SLC1A2: variants seen among roughly 807,000 people sequenced by gnomAD.
The protein encoded by SLC1A2 is excitatory amino acid transporter 2.
Under a neutral mutation model 48.8 loss-of-function variants are expected in SLC1A2, and 15 were observed. The ratio of observed to expected loss-of-function variants is 0.31; its 90% CI spans 0.21 to 0.47. The LOEUF (loss-of-function observed/expected upper bound fraction) is 0.47, where lower values mean the gene tolerates loss of function less well. Among genes scored for constraint, SLC1A2 ranks in the 20% least tolerant of loss-of-function variants. The probability of loss-of-function intolerance (pLI) is 0.99; values close to 1 mark genes in which losing one functional copy is unlikely to be tolerated. For synonymous variants in SLC1A2, 279 were observed against 272.6 expected, an observed-to-expected ratio of 1.02 and a Z score of -0.23; for missense variants, 502 against 730.5, an observed-to-expected ratio of 0.69 and a Z score of 3.61.
At chr11:35,297,409 C>A (rs111981053) in intron 6 of SLC1A2, among the ~76,000 whole-genome samples, 7 of 152,140 alleles carry the variant, frequency 4.6e-5, no homozygotes, top group East Asian at 1.9e-4. Context: ...CTCTCTCCCC[C>A]ACTCCAAAAT....
At chr11:35,411,111 T>C (rs1478400264) in intron 1 of SLC1A2, among the ~76,000 whole-genome samples, 1 of 152,254 alleles carries the variant, frequency 6.6e-6, no homozygotes, top group African/African-American at 2.4e-5. Flanking sequence ...GATGATTTTA[T>C]AAATATCTGC....
intron 9 of SLC1A2, among the ~76,000 whole-genome samples, chr11:35,266,339 A>G (rs971499513): frequency 2.0e-5 from 3 of 152,228 alleles, no homozygotes; most frequent in Non-Finnish European, 4.4e-5. Context: ...CGCAGCTGTT[A>G]GATAAGAAAT....
At chr11:35,295,339 C>T (rs936792805) in intron 6 of SLC1A2, among the ~76,000 whole-genome samples, 1 of 152,190 alleles carries the variant, frequency 6.6e-6, no homozygotes, top group Non-Finnish European at 1.5e-5. Context: ...TGTGGCCGAC[C>T]AACTGCACCC....
At chr11:35,308,056 C>T (rs1345284243) in intron 4 of SLC1A2, among the ~76,000 whole-genome samples, 1 of 152,122 alleles carries the variant, frequency 6.6e-6, no homozygotes, top group East Asian at 1.9e-4. Context: ...GAAAAGGGAA[C>T]CAAAGCCAAC....
At chr11:35,287,432 G>C (rs1354107567) in intron 7 of SLC1A2, among the ~76,000 whole-genome samples, 3 of 152,178 alleles carry the variant, frequency 2.0e-5, no homozygotes, top group Non-Finnish European at 4.4e-5. Flanking sequence ...ATTTAGCCCT[G>C]GGAAATTGTC....
chr11:35,380,152 G>A (rs1241008801), intron 1 of SLC1A2, among the ~76,000 whole-genome samples: 1 of 152,180 alleles, frequency 6.6e-6, no homozygotes, highest in Admixed American at 6.5e-5. Context: ...TCACTGGTTT[G>A]ATAAGACAAT....
At chr11:35,345,763 A>G (rs1332904257) in intron 1 of SLC1A2, among the ~76,000 whole-genome samples, 1 of 152,262 alleles carries the variant, frequency 6.6e-6, no homozygotes, top group Admixed American at 6.5e-5. Context: ...GCTAAATAAT[A>G]TACATTTTGT....
chr11:35,291,070 G>A (rs971455709), intron 7 of SLC1A2, among the ~76,000 whole-genome samples: 2 of 152,130 alleles, frequency 1.3e-5, no homozygotes, highest in Non-Finnish European at 2.9e-5. Flanking sequence ...CATTGCATGG[G>A]CACAGGTTCT....
intron 9 of SLC1A2, among the ~76,000 whole-genome samples, chr11:35,269,264 A>T (rs150552993): frequency 4.5e-4 from 69 of 152,352 alleles, no homozygotes; most frequent in African/African-American, 1.6e-3. Flanking sequence ...CAGAACTGTA[A>T]GAAATAAATT....
intron 1 of SLC1A2, among the ~76,000 whole-genome samples, chr11:35,377,110 A>T (rs1854262744): frequency 6.6e-6 from 1 of 152,166 alleles, no homozygotes. Context: ...TAAACACTCT[A>T]TCCCCATTAA....
At chr11:35,379,126 G>A (rs1854336311) in intron 1 of SLC1A2, among the ~76,000 whole-genome samples, 1 of 152,156 alleles carries the variant, frequency 6.6e-6, no homozygotes. Flanking sequence ...CTACTCAGGA[G>A]GCTAAGGCAG....
At chr11:35,398,820 G>A (rs923947456) in intron 1 of SLC1A2, among the ~76,000 whole-genome samples, 2 of 152,112 alleles carry the variant, frequency 1.3e-5, no homozygotes, top group Admixed American at 6.6e-5. Flanking sequence ...TACATATTTG[G>A]GGTCCACAGT....
intron 9 of SLC1A2, among the ~76,000 whole-genome samples, chr11:35,266,315 C>T (rs1330992442): frequency 6.6e-6 from 1 of 152,190 alleles, no homozygotes; most frequent in African/African-American, 2.4e-5. Context: ...GCACCTGCTT[C>T]CCTCACACAC....
intron 1 of SLC1A2, among the ~76,000 whole-genome samples, chr11:35,344,725 T>C (rs1852966519): frequency 6.6e-6 from 1 of 152,234 alleles, no homozygotes; most frequent in South Asian, 2.1e-4. Flanking sequence ...TCAGACAATG[T>C]GCTTGTTCTG....
intron 1 of SLC1A2, among the ~76,000 whole-genome samples, chr11:35,340,611 C>T (rs1852802152): frequency 6.6e-6 from 1 of 152,174 alleles, no homozygotes; most frequent in African/African-American, 2.4e-5. Context: ...CTTGTCCATA[C>T]AAAGGAAAAA....
chr11:35,261,119 C>G (rs910507293), intron 10 of SLC1A2, among the ~76,000 whole-genome samples, 154 bp from the exon 11 acceptor site: 1 of 152,194 alleles, frequency 6.6e-6, no homozygotes, highest in African/African-American at 2.4e-5. Context: ...TTGAACCTGT[C>G]TTGGGTTTCA....
chr11:35,387,997 C>T (rs970184040), intron 1 of SLC1A2, among the ~76,000 whole-genome samples: 2 of 152,218 alleles, frequency 1.3e-5, no homozygotes, highest in African/African-American at 4.8e-5. Context: ...TTATCATACT[C>T]ATTTTATGGA....
intron 1 of SLC1A2, among the ~76,000 whole-genome samples, chr11:35,416,932 C>T (rs957599325): frequency 7.2e-5 from 11 of 152,192 alleles, no homozygotes; most frequent in Non-Finnish European, 1.3e-4. Flanking sequence ...TTCTGTATCC[C>T]CCCAACTCGG....
intron 6 of SLC1A2, among the ~76,000 whole-genome samples, chr11:35,293,995 A>C (rs972894041): frequency 4.6e-5 from 7 of 152,190 alleles, no homozygotes; most frequent in Admixed American, 2.6e-4. Context: ...GAGCATGCAT[A>C]TATGTGTGCT....
Sources: gnomAD v4.1 joint callset for allele counts (sites outside exome capture counted in the v4.1 genomes callset) on GRCh38, gnomAD v4.1.1 for gene constraint, MANE v1.5 for transcripts, NCBI Gene and HGNC (gene_info 2026-07-23, HGNC 2026-07-21) for gene names.